Variants in MILR1 observed in about 807,000 individuals in gnomAD.
MILR1 encodes allergin-1.
MILR1 carries 31 observed loss-of-function variants against 18.5 expected under a neutral mutation model. The ratio of observed to expected loss-of-function variants is 1.68; its 90% CI spans 1.26 to 2.26. The LOEUF (loss-of-function observed/expected upper bound fraction) is 2.26, where lower values mean the gene tolerates loss of function less well. Ranked by LOEUF, MILR1 falls within the 30% of genes most tolerant of loss-of-function variation. The pLI is 0.00. For missense variants in MILR1, 257 were observed against 157.4 expected, an observed-to-expected ratio of 1.63 and a Z score of -3.38; for synonymous variants, 85 against 56.2, an observed-to-expected ratio of 1.51 and a Z score of -2.30.
Position 64,453,557 on chromosome 17 carries a change from T to C in MILR1, c.367+691T>C, listed in dbSNP as rs1030816414. Among the ~76,000 whole-genome samples the C allele has an allele frequency of 5.3e-4, 77 of 145,258 alleles. 1 individual carries two copies. The Middle Eastern group carries it at 0.01, about 19-fold the overall frequency. On this transcript the variant is annotated intron_variant, in intron 3 of 9. Transcript: ENST00000619286. ...ATCGCTTTTTTTTTTTTTTTTTTTT[T>C]CTGAAGCCTTGGGCCCCTTGGAGAG...
the MILR1 span, among the ~76,000 whole-genome samples, chr17:64,494,310 TCATAA>T: frequency 1.2e-4 from 18 of 152,338 alleles, no homozygotes; most frequent in East Asian, 2.9e-3. Context: ...TCTTATTGCA[TCATAA>T]CATGAGGAAC....
the MILR1 span, chr17:64,491,538 C>G: frequency 6.5e-7 from 1 of 1,546,498 alleles, no homozygotes; most frequent in Non-Finnish European, 8.9e-7. Context: ...GTCAGTTGTA[C>G]CAGTGAAGGA....
chr17:64,459,102 G>T (rs2037366541), intron 4 of MILR1, among the ~76,000 whole-genome samples: 1 of 152,164 alleles, frequency 6.6e-6, no homozygotes, highest in Non-Finnish European at 1.5e-5. Context: ...GACCTTCCAG[G>T]TCCTTCTGAA....
At chr17:64,477,789 G>A in the MILR1 span, 1 of 1,527,686 alleles carries the variant, frequency 6.5e-7, no homozygotes, top group Admixed American at 2.0e-5. Context: ...ACCAAATTAG[G>A]AGAGAAGAAT....
chr17:64,490,605 G>A, the MILR1 span: 2 of 603,318 alleles, frequency 3.3e-6, no homozygotes, highest in Admixed American at 2.6e-5. Flanking sequence ...GGGCTCTGTG[G>A]CAATAGTGGA....
the MILR1 span, chr17:64,487,467 A>C: frequency 6.6e-6 from 1 of 152,282 alleles, no homozygotes; most frequent in South Asian, 2.1e-4. Context: ...GACAAAAATT[A>C]GCTGGGCATG....
chr17:64,464,589 C>T (rs1387119114), intron 5 of MILR1, among the ~76,000 whole-genome samples: 1 of 151,198 alleles, frequency 6.6e-6, no homozygotes, highest in African/African-American at 2.5e-5. Context: ...ATAAAAAGTC[C>T]AGGTTCTTGC....
chr17:64,458,083 T>C (rs1283013341), intron 4 of MILR1, among the ~76,000 whole-genome samples: 1 of 152,214 alleles, frequency 6.6e-6, no homozygotes, highest in Non-Finnish European at 1.5e-5. Context: ...CTTTGTTTTT[T>C]CATCATTTGT....
At chr17:64,451,144 T>TC (rs2037162773) in intron 2 of MILR1, among the ~76,000 whole-genome samples, 3 of 151,818 alleles carry the variant, frequency 2.0e-5, no homozygotes, top group African/African-American at 7.3e-5. Flanking sequence ...AGGGTTTTTT[T>TC]TTTTCTTTCT....
downstream of MILR1, among the ~76,000 whole-genome samples, chr17:64,472,231 A>G (rs1488231094): frequency 6.6e-6 from 1 of 151,930 alleles, no homozygotes; most frequent in African/African-American, 2.4e-5. Flanking sequence ...CTGTAATCCC[A>G]TGGGGCAGGT....
At chr17:64,470,469 G>A (rs1164276718), downstream of MILR1, among the ~76,000 whole-genome samples, 9 of 152,168 alleles carry the variant, frequency 5.9e-5, no homozygotes, top group Admixed American at 5.9e-4. Flanking sequence ...TTTATGTTAT[G>A]TATAACTTAC....
At chr17:64,454,757 G>T (rs2037252877) in intron 3 of MILR1, among the ~76,000 whole-genome samples, 1 of 152,194 alleles carries the variant, frequency 6.6e-6, no homozygotes, top group Admixed American at 6.6e-5. Context: ...ACTTTGTGAG[G>T]CTGAGGCGGG....
the MILR1 span, chr17:64,497,027 CACT>C: frequency 1.3e-6 from 2 of 1,512,358 alleles, no homozygotes; most frequent in East Asian, 4.5e-5. Flanking sequence ...AACAAGCCAC[CACT>C]ACCGTTAACA....
At chr17:64,488,523 C>T in the MILR1 span, among the ~76,000 whole-genome samples, 5 of 152,004 alleles carry the variant, frequency 3.3e-5, no homozygotes, top group African/African-American at 9.7e-5. Context: ...GGCAACATAG[C>T]GAGACCCCAT....
rs1555662947 is a variant in MILR1, at chr17:64,465,499, A to C, written c.811A>C (p.Met271Leu). 2 of 1,611,108 alleles carry C rather than the reference A, an allele frequency of 1.2e-6. No individual in the cohort carries two copies. Among genetic ancestry groups the C allele is most frequent in the African/African-American group, 2.7e-5 (2 of 74,918 alleles). The part of the protein sequence containing the change: ...NVPRDRGDTA[M>L]EVGIYANILE... Reference sequence around the variant, plus strand: ...GCCCAGGGACCGTGGAGACACAGCCATGGAAGTTGGAATCTATGCAAATAT... The same window carrying C: ...GCCCAGGGACCGTGGAGACACAGCCCTGGAAGTTGGAATCTATGCAAATAT... The change falls in exon 6 of 10, where the codon ATG becomes CTG. Residue 271 changes from methionine (M) to leucine (L), a missense_variant. Physicochemically the swap from Met to Leu is conservative, Grantham distance 15. Coordinates refer to ENST00000619286, the MANE Select transcript of MILR1 (RefSeq NM_001085423.2).
the MILR1 span, chr17:64,480,265 C>A: frequency 2.7e-6 from 3 of 1,104,618 alleles, no homozygotes; most frequent in African/African-American, 3.1e-5. Context: ...TAAATACACT[C>A]TTTAATGAAA....
intron 8 of MILR1, among the ~76,000 whole-genome samples, chr17:64,466,975 TTC>T (rs1568072316): frequency 6.6e-6 from 1 of 151,716 alleles, no homozygotes; most frequent in African/African-American, 2.4e-5. Context: ...CTCTCTCTCT[TTC>T]TTTCTTTCTC....
the MILR1 span, among the ~76,000 whole-genome samples, chr17:64,475,140 C>G: frequency 6.7e-6 from 1 of 149,198 alleles, no homozygotes; most frequent in Non-Finnish European, 1.5e-5. Flanking sequence ...AGGCCAAGAT[C>G]GCACCACTGC....
intron 4 of MILR1, 91 bp from the exon 5 acceptor site, chr17:64,460,729 TTG>T (rs2037412813): frequency 8.9e-6 from 4 of 449,606 alleles, no homozygotes; most frequent in East Asian, 3.3e-5. Flanking sequence ...ATTGGTTAAC[TTG>T]GGAGACATCA....
Sources: gnomAD v4.1 joint callset for allele counts (sites outside exome capture counted in the v4.1 genomes callset) on GRCh38, gnomAD v4.1.1 for gene constraint, MANE v1.5 for transcripts, NCBI Gene and HGNC (gene_info 2026-07-23, HGNC 2026-07-21) for gene names.